SORCS2: variants seen among roughly 807,000 people sequenced by gnomAD.
The protein encoded by SORCS2 is VPS10 domain-containing receptor SorCS2.
In SORCS2, 100 loss-of-function variants were observed where a neutral mutation model predicts 141.6. The observed-to-expected ratio is 0.71, with a 90% CI of 0.60 to 0.83. The LOEUF (loss-of-function observed/expected upper bound fraction) is 0.83. Ranked by LOEUF, SORCS2 falls within the 40% of genes least tolerant of loss-of-function variation. The pLI is 0.00. For missense variants in SORCS2, 1,646 were observed against 1,560.2 expected, an observed-to-expected ratio of 1.05 and a Z score of -0.93; for synonymous variants, 789 against 676.9, an observed-to-expected ratio of 1.17 and a Z score of -2.57.
chr4:7,448,383 C>T (rs1003599679), intron 2 of SORCS2, among the ~76,000 whole-genome samples: 2 of 151,774 alleles, frequency 1.3e-5, no homozygotes, highest in African/African-American at 2.4e-5. Context: ...TTTTGCCTGC[C>T]TGTCTTCCTC....
At chr4:7,382,595 T>C (rs1467743873) in intron 1 of SORCS2, among the ~76,000 whole-genome samples, 1 of 152,196 alleles carries the variant, frequency 6.6e-6, no homozygotes, top group Non-Finnish European at 1.5e-5. Context: ...CTGACATGCC[T>C]GTATGTTTAG....
At chr4:7,268,575 T>C (rs192856056) in intron 1 of SORCS2, among the ~76,000 whole-genome samples, 322 of 152,330 alleles carry the variant, frequency 2.1e-3, no homozygotes, top group African/African-American at 7.3e-3. Flanking sequence ...CGAGGGCCCA[T>C]GTGTGTCCTG....
At chr4:7,621,324 CTA>C (rs1332390883) in intron 3 of SORCS2, among the ~76,000 whole-genome samples, 1 of 151,942 alleles carries the variant, frequency 6.6e-6, no homozygotes, top group Non-Finnish European at 1.5e-5. Context: ...GTGTATGTGT[CTA>C]TGTGTGAGTG....
At chr4:7,543,706 A>G (rs1712931231) in intron 3 of SORCS2, among the ~76,000 whole-genome samples, 2 of 8,176 alleles carry the variant, frequency 2.4e-4, no homozygotes, top group Admixed American at 1.3e-3. Context: ...CCATCCATCC[A>G]TCCACCCATC....
intron 13 of SORCS2, 139 bp downstream of exon 13, chr4:7,703,510 A>C: frequency 3.0e-6 from 2 of 670,316 alleles, no homozygotes; most frequent in Non-Finnish European, 5.0e-6. Context: ...CTAAATCCTA[A>C]AGACCGGGGC....
chr4:7,543,996 T>TATC (rs1560374011), intron 3 of SORCS2, among the ~76,000 whole-genome samples: 10 of 25,558 alleles, frequency 3.9e-4, no homozygotes, highest in African/African-American at 4.9e-4. Context: ...ATCCATCCAC[T>TATC]CATCCATCCA....
At chr4:7,702,137 G>A (rs896973118) in intron 12 of SORCS2, among the ~76,000 whole-genome samples, 2 of 152,200 alleles carry the variant, frequency 1.3e-5, no homozygotes, top group African/African-American at 2.4e-5. Flanking sequence ...ACGGATGAGC[G>A]TGCTGGCCCT....
rs916913201 is a variant in SORCS2, at chr4:7,740,847, G to A, written c.*583G>A. ...AATGCCTCTCTAGGTAGCTGCTGGC[G>A]GTGGTGGGGGTGTCTCACTCTCTGT... On this transcript the variant is annotated 3_prime_UTR_variant, in exon 27 of 27. Coordinates refer to ENST00000507866, the MANE Select transcript of SORCS2 (RefSeq NM_020777.3). 21 of 392,020 alleles carry A rather than the reference G, an allele frequency of 5.4e-5. No homozygotes were observed. The East Asian group carries it at 6.2e-4, about 12-fold the overall frequency. 24.3% of individuals were successfully genotyped at this position (392,020 alleles called of 1,614,324 possible). A position where few individuals can be genotyped will look rare whatever the true frequency, so the allele number is the denominator to read the frequency against.
intron 1 of SORCS2, among the ~76,000 whole-genome samples, chr4:7,265,316 A>C (rs1337746765): frequency 6.6e-6 from 1 of 151,736 alleles, no homozygotes; most frequent in Non-Finnish European, 1.5e-5. Context: ...CATGGTGAAA[A>C]CCTGTCTCTA....
chr4:7,476,311 C>T (rs1309413684), intron 2 of SORCS2, among the ~76,000 whole-genome samples: 2 of 152,180 alleles, frequency 1.3e-5, no homozygotes, highest in Non-Finnish European at 2.9e-5. Context: ...AGTCAGGAAC[C>T]TGTAGGTCAG....
chr4:7,677,855 C>A (rs1338660660), intron 9 of SORCS2, among the ~76,000 whole-genome samples: 2 of 152,200 alleles, frequency 1.3e-5, no homozygotes, highest in Non-Finnish European at 2.9e-5. Flanking sequence ...CAGCGCCCAC[C>A]CCCACCCCTA....
chr4:7,195,422 GT>G (rs1727115990), intron 1 of SORCS2, among the ~76,000 whole-genome samples: 1 of 152,120 alleles, frequency 6.6e-6, no homozygotes, highest in Non-Finnish European at 1.5e-5. Context: ...GTGGGTGTCC[GT>G]GGGGTCAGAT....
At chr4:7,324,112 G>A (rs1247806222) in intron 1 of SORCS2, among the ~76,000 whole-genome samples, 2 of 152,204 alleles carry the variant, frequency 1.3e-5, no homozygotes, top group African/African-American at 4.8e-5. Flanking sequence ...ACCAGCAGGT[G>A]GCGGGGCTGG....
In SORCS2 at chr4:7,675,261, C is replaced by T. The variant is rs144917949; in HGVS notation, c.1162-789C>T. Among the ~76,000 whole-genome samples the T allele has an allele frequency of 7.7e-3, 1,178 of 152,356 alleles. 9 individuals are homozygous for T. Among genetic ancestry groups the T allele is most frequent in the Middle Eastern group, 0.034 (10 of 294 alleles). ...CCAGAGCTGCCCAACACACCTGCTT[C>T]TGAGTGGAAACCGAGGCTGGGGACT... On this transcript the variant is annotated intron_variant, in intron 8 of 26. Coordinates refer to ENST00000507866, the MANE Select transcript of SORCS2 (RefSeq NM_020777.3).
chr4:7,723,114 C>T (rs1726706391), intron 18 of SORCS2, among the ~76,000 whole-genome samples: 1 of 152,138 alleles, frequency 6.6e-6, no homozygotes, highest in Non-Finnish European at 1.5e-5. Flanking sequence ...GACTCGGTGC[C>T]ACGCGGGGAT....
chr4:7,733,910 C>A (rs1007877470), intron 24 of SORCS2, among the ~76,000 whole-genome samples: 2 of 152,200 alleles, frequency 1.3e-5, no homozygotes, highest in East Asian at 3.9e-4. Flanking sequence ...CACTCCTGGT[C>A]ATTTATGGCC....
chr4:7,581,952 A>C (rs761335255), intron 3 of SORCS2, among the ~76,000 whole-genome samples: 1 of 152,142 alleles, frequency 6.6e-6, no homozygotes, highest in Non-Finnish European at 1.5e-5. Flanking sequence ...CATAGTCGAG[A>C]CAATTTTATA....
chr4:7,683,442 C>CAT (rs34601833), intron 10 of SORCS2, among the ~76,000 whole-genome samples: 309 of 16,868 alleles, frequency 0.018, 13 homozygotes, highest in African/African-American at 0.042. Flanking sequence ...TGGGCTTGCT[C>CAT]ATGTCAGGGA....
At chr4:7,590,649 C>G (rs909336081) in intron 3 of SORCS2, among the ~76,000 whole-genome samples, 4 of 152,252 alleles carry the variant, frequency 2.6e-5, no homozygotes, top group African/African-American at 9.6e-5. Context: ...GACAAAGGGG[C>G]AAGGTCACAA....
Sources: gnomAD v4.1 joint callset for allele counts (sites outside exome capture counted in the v4.1 genomes callset) on GRCh38, gnomAD v4.1.1 for gene constraint, MANE v1.5 for transcripts, NCBI Gene and HGNC (gene_info 2026-07-23, HGNC 2026-07-21) for gene names.